Variants in RFC2 observed in about 807,000 individuals in gnomAD.
The protein encoded by RFC2 is replication factor C subunit 2.
A neutral mutation model predicts 44.8 loss-of-function variants in RFC2; 34 were observed. The observed-to-expected ratio is 0.76, with a 90% CI of 0.58 to 1.01. The LOEUF (loss-of-function observed/expected upper bound fraction) is 1.01, where lower values mean the gene tolerates loss of function less well. Among genes scored for constraint, RFC2 ranks in the 50% least tolerant of loss-of-function variants. The pLI, the probability that RFC2 is intolerant of heterozygous loss-of-function variation, is 0.00. For synonymous variants in RFC2, 177 were observed against 168.9 expected, an observed-to-expected ratio of 1.05 and a Z score of -0.37; for missense variants, 400 against 453.6, an observed-to-expected ratio of 0.88 and a Z score of 1.07.
At chr7:74,248,030 A>G (rs1443198274) in intron 4 of RFC2, among the ~76,000 whole-genome samples, 3 of 152,082 alleles carry the variant, frequency 2.0e-5, no homozygotes, top group East Asian at 3.9e-4. Flanking sequence ...CCTGGACTCA[A>G]GCGATCCACC....
intron 8 of RFC2, 44 bp from the exon 9 acceptor site, chr7:74,237,486 A>G: frequency 7.3e-7 from 1 of 1,375,778 alleles, no homozygotes; most frequent in Non-Finnish European, 1.0e-6. Flanking sequence ...TAGAAGGGAC[A>G]ATGTGAGCGG....
intron 10 of RFC2, among the ~76,000 whole-genome samples, chr7:74,233,136 G>A (rs1802820566): frequency 6.6e-6 from 1 of 152,102 alleles, no homozygotes; most frequent in Non-Finnish European, 1.5e-5. Context: ...GCTTGAGCAT[G>A]GAAGGTTGAG....
intron 5 of RFC2, among the ~76,000 whole-genome samples, chr7:74,245,344 G>A (rs370289970): frequency 6.6e-6 from 1 of 151,482 alleles, no homozygotes; most frequent in Non-Finnish European, 1.5e-5. Flanking sequence ...TATACCAACC[G>A]AAGTGTTGTG....
chr7:74,246,439 C>T (rs1803614645), intron 5 of RFC2, among the ~76,000 whole-genome samples: 1 of 149,790 alleles, frequency 6.7e-6, no homozygotes, highest in Non-Finnish European at 1.5e-5. Flanking sequence ...AAATTATTAA[C>T]GTAAGAGATG....
At chr7:74,243,459 C>A (rs1206175302) in intron 5 of RFC2, among the ~76,000 whole-genome samples, 1 of 152,018 alleles carries the variant, frequency 6.6e-6, no homozygotes. Context: ...ATCAGAACAA[C>A]CCTCAAGTGA....
chr7:74,250,913 T>A (rs1270143593), intron 2 of RFC2, among the ~76,000 whole-genome samples: 5 of 152,040 alleles, frequency 3.3e-5, no homozygotes, highest in Admixed American at 6.6e-5. Flanking sequence ...CTCAGCCTCC[T>A]GAGTAGCTGG....
chr7:74,239,155 C>A lies in RFC2; in HGVS notation c.694-167G>T, dbSNP rs537166815. On this transcript the variant is annotated intron_variant, in intron 7 of 10. Transcript: ENST00000055077. ...GGGATTACAGGCATGAGCCACCGCA[C>A]CGGGCCAAGGGTGACTTTTTTTTTT... Among the ~76,000 whole-genome samples the A allele has an allele frequency of 5.2e-4, 79 of 150,854 alleles. 2 individuals are homozygous for A. In the South Asian group the frequency reaches 0.016, roughly 31 times the overall value.
intron 4 of RFC2, among the ~76,000 whole-genome samples, chr7:74,247,945 A>G (rs574471320): frequency 6.6e-6 from 1 of 152,150 alleles, no homozygotes; most frequent in Non-Finnish European, 1.5e-5. Context: ...ACTTATACAC[A>G]TCCTCCAGAA....
intron 1 of RFC2, among the ~76,000 whole-genome samples, chr7:74,252,742 C>G (rs1274971881): frequency 1.3e-5 from 2 of 152,092 alleles, no homozygotes; most frequent in Non-Finnish European, 2.9e-5. Context: ...TGAGCCCAGT[C>G]TGGCCAACAT....
Position 74,238,894 on chromosome 7 carries a change from G to T in RFC2, c.759+29C>A. 1 of 1,590,498 alleles carries T rather than the reference G, an allele frequency of 6.3e-7. No individual in the cohort carries two copies. The stretch of plus-strand genomic sequence containing the variant: ...CCCACAGGGAAGCACGGCTTCTGCT[G>T]ACAGTACCACCCACACTAGCGCTTG... On this transcript the variant is annotated intron_variant, in intron 8 of 10. Coordinates refer to ENST00000055077, the MANE Select transcript of RFC2 (RefSeq NM_181471.3). This position sits in a 1 kb window ranked among gnomAD's most constrained non-coding sequence, Gnocchi z 4.0.
At position 74,235,523 on chromosome 7, in the gene RFC2, C is replaced by T; in HGVS notation, c.954+9G>A. ...TTGAGGACAGAGGCATTTCTACATT[C>T]TCACCGACCTTGATAAACTCCAGTT... On this transcript the variant is annotated intron_variant, in intron 10 of 10. Coordinates refer to ENST00000055077, the MANE Select transcript of RFC2 (RefSeq NM_181471.3). The T allele has an allele frequency of 2.0e-6, 3 of 1,530,094 alleles. No homozygotes were observed. Among genetic ancestry groups the T allele is most frequent in the Non-Finnish European group, 2.7e-6 (3 of 1,103,468 alleles). The allele number at this position is 1,530,094 out of a possible 1,614,324, so 94.8% of individuals were successfully genotyped here. A position where few individuals can be genotyped will look rare whatever the true frequency, so the allele number is the denominator to read the frequency against.
intron 5 of RFC2, among the ~76,000 whole-genome samples, chr7:74,245,397 G>A (rs1335952252): frequency 6.6e-6 from 1 of 151,302 alleles, no homozygotes; most frequent in Non-Finnish European, 1.5e-5. Flanking sequence ...CCACTGAACT[G>A]TATACTTCAA....
chr7:74,251,082 C>T (rs376539172), intron 2 of RFC2, among the ~76,000 whole-genome samples: 3 of 152,096 alleles, frequency 2.0e-5, no homozygotes, highest in Non-Finnish European at 2.9e-5. Context: ...CCACCACACC[C>T]GGCCCTATTA....
chr7:74,237,116 T>C (rs1434519023), intron 9 of RFC2, among the ~76,000 whole-genome samples: 3 of 151,834 alleles, frequency 2.0e-5, no homozygotes, highest in African/African-American at 7.3e-5. Context: ...ATGATATTAA[T>C]AATTTTTTTT....
intron 7 of RFC2, among the ~76,000 whole-genome samples, 182 bp from the exon 8 acceptor site, chr7:74,239,170 CTT>C (rs34664628): frequency 6.3e-4 from 68 of 107,980 alleles, no homozygotes; most frequent in South Asian, 2.0e-3. Flanking sequence ...CCAAGGGTGA[CTT>C]TTTTTTTTTT....
At chr7:74,253,185 A>G (rs1787068384) in intron 1 of RFC2, among the ~76,000 whole-genome samples, 1 of 151,660 alleles carries the variant, frequency 6.6e-6, no homozygotes, top group African/African-American at 2.4e-5. Flanking sequence ...GGGTGCAACC[A>G]AGCTCCTTTC....
chr7:74,253,979 T>C (rs1380193591), intron 1 of RFC2, among the ~76,000 whole-genome samples: 4 of 152,200 alleles, frequency 2.6e-5, no homozygotes, highest in African/African-American at 7.2e-5. Flanking sequence ...TACACTACTA[T>C]ACACAAAAAC....
At chr7:74,250,884 G>A (rs1453472771) in intron 2 of RFC2, among the ~76,000 whole-genome samples, 1 of 152,090 alleles carries the variant, frequency 6.6e-6, no homozygotes, top group African/African-American at 2.4e-5. Flanking sequence ...CGCCTCCCGG[G>A]TTCAAGCGAT....
intron 5 of RFC2, 143 bp from the exon 6 acceptor site, chr7:74,243,389 T>C (rs782663548): frequency 4.8e-6 from 3 of 619,468 alleles, no homozygotes; most frequent in Admixed American, 5.5e-5. Flanking sequence ...ATCCCTCTAA[T>C]GCTAACACCT....
Sources: allele counts gnomAD v4.1 joint callset (sites outside exome capture counted in the v4.1 genomes callset), GRCh38; gene constraint gnomAD v4.1.1; non-coding constraint Gnocchi (gnomAD v3.1); transcripts MANE v1.5; gene names NCBI Gene and HGNC (gene_info 2026-07-23, HGNC 2026-07-21).